OSTN: variants seen among roughly 807,000 people sequenced by gnomAD.
OSTN encodes osteocrin.
In OSTN, 9 loss-of-function variants were observed where a neutral mutation model predicts 12.0. The ratio of observed to expected loss-of-function variants is 0.75; its 90% CI spans 0.45 to 1.30. OSTN has a LOEUF of 1.30. Among genes scored for constraint, OSTN ranks in the 50% most tolerant of loss-of-function variants. The pLI, the probability that OSTN is intolerant of heterozygous loss-of-function variation, is 0.00. For missense variants in OSTN, 148 were observed against 152.3 expected (o/e 0.97, Z 0.15); for synonymous variants, 59 against 56.9 (o/e 1.04, Z -0.16).
Position 191,255,739 on chromosome 3 carries a change from A to C in OSTN, c.*12+5606A>C, listed in dbSNP as rs144256172. Among the ~76,000 whole-genome samples the C allele has an allele frequency of 2.3e-4, 35 of 152,298 alleles. No homozygotes were observed. The East Asian group carries it at 6.4e-3, about 28-fold the overall frequency. ...AAAGTGTTTTAACTCTGAAAAAAAA[A>C]ACAAAAATAATCAGCAATGTTCAAA... On this transcript the variant is annotated intron_variant, in intron 4 of 4. Transcript: ENST00000682035.
intron 2 of OSTN, among the ~76,000 whole-genome samples, chr3:191,216,915 C>T (rs1714627083): frequency 6.6e-6 from 1 of 152,220 alleles, no homozygotes; most frequent in Admixed American, 6.5e-5. Flanking sequence ...TGCCTATTTC[C>T]CATTTCCAAA....
chr3:191,237,737 A>G (rs902663598), intron 3 of OSTN, among the ~76,000 whole-genome samples: 1 of 152,214 alleles, frequency 6.6e-6, no homozygotes, highest in Non-Finnish European at 1.5e-5. Flanking sequence ...TTTCTGATCT[A>G]TAGAGAAACT....
chr3:191,260,032 A>G (rs1342942790), intron 4 of OSTN, among the ~76,000 whole-genome samples: 1 of 151,490 alleles, frequency 6.6e-6, no homozygotes, highest in Non-Finnish European at 1.5e-5. Flanking sequence ...TTGTATTTTT[A>G]GTAGAGATGG....
chr3:191,253,055 A>G (rs898357988), intron 4 of OSTN, among the ~76,000 whole-genome samples: 1 of 152,178 alleles, frequency 6.6e-6, no homozygotes, highest in African/African-American at 2.4e-5. Context: ...GGGTCTTTGG[A>G]CTTATAGGCC....
chr3:191,218,487 A>G (rs11916218), intron 2 of OSTN, among the ~76,000 whole-genome samples: 56,812 of 151,898 alleles, frequency 0.37, 12,447 homozygotes, highest in African/African-American at 0.6. Context: ...GCCAGGCATG[A>G]TGGCAGGCGC....
intron 3 of OSTN, among the ~76,000 whole-genome samples, chr3:191,239,754 A>G (rs1019535327): frequency 6.6e-6 from 1 of 152,210 alleles, no homozygotes; most frequent in African/African-American, 2.4e-5. Flanking sequence ...TCTGTCCTCT[A>G]TGTGAAGGAA....
intron 3 of OSTN, 29 bp downstream of exon 3, chr3:191,218,990 T>TC: frequency 6.4e-7 from 1 of 1,553,342 alleles, no homozygotes; most frequent in Non-Finnish European, 8.8e-7. Flanking sequence ...AGAAAGTTTT[T>TC]ATTTTCTAAT....
chr3:191,233,650 C>T (rs1461463893), intron 3 of OSTN, among the ~76,000 whole-genome samples: 2 of 152,072 alleles, frequency 1.3e-5, no homozygotes, highest in African/African-American at 4.8e-5. Flanking sequence ...CACGCCCTGA[C>T]TTTTTTCTGG....
rs184801711 is a variant in OSTN at position 191,213,112 on chromosome 3, G to A, written c.102+478G>A. 3.7e-4 allele frequency among the ~76,000 whole-genome samples: 56 copies of A among 151,400 alleles called. No individual in the cohort carries two copies. The East Asian group carries it at 4.1e-3, about 11-fold the overall frequency. ...TCTTGAACTCCTGACCTCGAGATCC[G>A]CCCGCCTCAACCTTCCAAAGTGCTG... On this transcript the variant is annotated intron_variant, in intron 2 of 4. Coordinates refer to ENST00000682035, the MANE Select transcript of OSTN (RefSeq NM_198184.2).
intron 1 of OSTN, among the ~76,000 whole-genome samples, chr3:191,206,184 C>T (rs753930208): frequency 5.7e-5 from 7 of 123,630 alleles, no homozygotes; most frequent in Non-Finnish European, 1.0e-4. Context: ...GAAACTCCAT[C>T]TCAGAAAAAA....
chr3:191,236,694 T>C (rs574109072), intron 3 of OSTN, among the ~76,000 whole-genome samples: 2 of 152,294 alleles, frequency 1.3e-5, no homozygotes, highest in East Asian at 1.9e-4. Context: ...AAGAATACTT[T>C]TGTTCTTAAG....
intron 4 of OSTN, among the ~76,000 whole-genome samples, chr3:191,257,367 T>TA (rs1374376416): frequency 6.6e-6 from 1 of 152,046 alleles, no homozygotes; most frequent in Non-Finnish European, 1.5e-5. Flanking sequence ...TTTATTTTAG[T>TA]AAAAAATCTA....
At chr3:191,221,901 C>T (rs946665414) in intron 3 of OSTN, among the ~76,000 whole-genome samples, 1 of 152,196 alleles carries the variant, frequency 6.6e-6, no homozygotes, top group Non-Finnish European at 1.5e-5. Context: ...TTTCTTGGGC[C>T]AGGTCCAGGA....
chr3:191,259,144 A>C (rs1715742422), intron 4 of OSTN, among the ~76,000 whole-genome samples: 1 of 152,066 alleles, frequency 6.6e-6, no homozygotes, highest in Non-Finnish European at 1.5e-5. Flanking sequence ...TGGTACCAAA[A>C]ATGGCAAAGA....
At chr3:191,257,367 TA>T (rs1374376416) in intron 4 of OSTN, among the ~76,000 whole-genome samples, 1 of 152,046 alleles carries the variant, frequency 6.6e-6, no homozygotes, top group African/African-American at 2.4e-5. Flanking sequence ...TTTATTTTAG[TA>T]AAAAATCTAG....
Position 191,212,584 on chromosome 3 carries a change from A to G in OSTN, c.52A>G (p.Thr18Ala), listed in dbSNP as rs553471638. The change falls in exon 2 of 5, where the codon ACA (threonine) becomes GCA (alanine). Residue 18 changes from threonine (T) to alanine (A), a missense_variant. Coordinates refer to ENST00000682035, the MANE Select transcript of OSTN (RefSeq NM_198184.2). ...SAHFILAVTL[T>A]LWSSGKVLSV... ...ACATTTCATCCTGGCTGTGACACTGACACTGTGGAGCTCAGGAAAAGTCCT... is the reference window on the plus strand; with the variant it reads ...ACATTTCATCCTGGCTGTGACACTGGCACTGTGGAGCTCAGGAAAAGTCCT... 5.0e-6 allele frequency: 8 copies of G among 1,596,646 alleles called. No homozygotes were observed. In the East Asian group the frequency reaches 1.6e-4, roughly 31 times the overall value.
chr3:191,253,563 A>G (rs1715609500), intron 4 of OSTN, among the ~76,000 whole-genome samples: 1 of 152,232 alleles, frequency 6.6e-6, no homozygotes, highest in South Asian at 2.1e-4. Flanking sequence ...CATGACCACA[A>G]CCAGGTTTTA....
At chr3:191,246,713 A>G (rs1217490734) in intron 3 of OSTN, among the ~76,000 whole-genome samples, 1 of 150,904 alleles carries the variant, frequency 6.6e-6, no homozygotes, top group African/African-American at 2.4e-5. Flanking sequence ...AGGAAGAAGA[A>G]GAGGAAGAAG....
Position 191,263,101 on chromosome 3 carries a change from TC to T in OSTN, c.*252del, listed in dbSNP as rs1182367941. The T allele has an allele frequency of 4.3e-6, 2 of 468,176 alleles. No individual in the cohort carries two copies. Among genetic ancestry groups the T allele is most frequent in the African/African-American group, 3.9e-5 (2 of 50,854 alleles). The allele number at this position is 468,176 out of a possible 1,614,324, so 29.0% of individuals were successfully genotyped here. The stretch of plus-strand genomic sequence containing the variant: ...TTTAATTATTCAAGAATGGTTAACT[TC>T]CCCTTAAACCTTACTTTTAAAAATA... On this transcript the variant is annotated 3_prime_UTR_variant, in exon 5 of 5. Coordinates refer to ENST00000682035, the MANE Select transcript of OSTN (RefSeq NM_198184.2).
Sources: gnomAD v4.1 joint callset for allele counts (sites outside exome capture counted in the v4.1 genomes callset) on GRCh38, gnomAD v4.1.1 for gene constraint, MANE v1.5 for transcripts, NCBI Gene and HGNC (gene_info 2026-07-23, HGNC 2026-07-21) for gene names.